Variants in STX18 observed in about 807,000 individuals in gnomAD.
STX18 encodes the protein syntaxin-18.
A neutral mutation model predicts 50.1 loss-of-function variants in STX18; 40 were observed. That is an observed-to-expected ratio of 0.80 (90% CI 0.62 to 1.04). STX18 has a LOEUF of 1.04. STX18 is among the 50% of genes least tolerant of loss of function. STX18 has a pLI of 0.00. For missense variants in STX18, 410 were observed against 415.8 expected (o/e 0.99, Z 0.12); for synonymous variants, 158 against 151.8 (o/e 1.04, Z -0.30).
intron 1 of STX18, among the ~76,000 whole-genome samples, chr4:4,534,185 T>A (rs528081196): frequency 6.6e-6 from 1 of 152,210 alleles, no homozygotes; most frequent in African/African-American, 2.4e-5. Flanking sequence ...AAGGACCCCA[T>A]TGAGTTCCTC....
rs568997424 is a variant in STX18 at position 4,429,438 on chromosome 4, G to C, written c.703-4216C>G. Among the ~76,000 whole-genome samples, 278 of 152,206 alleles carry C rather than the reference G, an allele frequency of 1.8e-3. 1 individual carries two copies. The highest frequency in any genetic ancestry group is 6.1e-3 in the African/African-American group (254 of 41,506). Reference sequence around the variant, plus strand: ...TTCAAAAGAAAATCACTCCTACAAAGGCCTTTCAGTATAAAATGACGCCAA... The same window carrying C: ...TTCAAAAGAAAATCACTCCTACAAACGCCTTTCAGTATAAAATGACGCCAA... On this transcript the variant is annotated intron_variant, in intron 7 of 10. Coordinates refer to ENST00000306200, the MANE Select transcript of STX18 (RefSeq NM_016930.4).
intron 1 of STX18, among the ~76,000 whole-genome samples, chr4:4,527,829 T>C (rs1187343889): frequency 6.8e-6 from 1 of 146,718 alleles, no homozygotes; most frequent in Non-Finnish European, 1.5e-5. Flanking sequence ...TAATTTTATA[T>C]ATATATGTCT....
At chr4:4,517,778 CTTTA>C (rs1289261025) in intron 1 of STX18, among the ~76,000 whole-genome samples, 2 of 147,616 alleles carry the variant, frequency 1.4e-5, no homozygotes, top group African/African-American at 5.1e-5. Context: ...TTTTTTTTTT[CTTTA>C]TTTTTTTTTT....
chr4:4,540,752 C>T (rs1731548757), intron 1 of STX18, among the ~76,000 whole-genome samples: 1 of 152,138 alleles, frequency 6.6e-6, no homozygotes, highest in South Asian at 2.1e-4. Flanking sequence ...TGGTCCAATC[C>T]CCTTTCTAAT....
chr4:4,474,470 C>G (rs1728075970), intron 1 of STX18, among the ~76,000 whole-genome samples: 1 of 152,212 alleles, frequency 6.6e-6, no homozygotes, highest in Non-Finnish European at 1.5e-5. Context: ...CCAGGCCCAT[C>G]CCCCTGTAAG....
chr4:4,514,526 G>A (rs1000281709), intron 1 of STX18, among the ~76,000 whole-genome samples: 5 of 152,108 alleles, frequency 3.3e-5, no homozygotes, highest in Non-Finnish European at 7.3e-5. Flanking sequence ...CTAAGATTCC[G>A]AATGGATGAT....
At chr4:4,451,188 A>C (rs1316329988) in intron 5 of STX18, among the ~76,000 whole-genome samples, 1 of 152,232 alleles carries the variant, frequency 6.6e-6, no homozygotes, top group Admixed American at 6.5e-5. Flanking sequence ...TGCAATCAAC[A>C]GTTTCTACCT....
chr4:4,460,112 C>G (rs1242489002), intron 2 of STX18, among the ~76,000 whole-genome samples: 2 of 152,126 alleles, frequency 1.3e-5, no homozygotes, highest in Non-Finnish European at 2.9e-5. Flanking sequence ...GATACTTACC[C>G]CACTCTAACA....
intron 1 of STX18, among the ~76,000 whole-genome samples, chr4:4,540,671 T>C (rs1308269688): frequency 4.6e-5 from 7 of 152,234 alleles, no homozygotes; most frequent in African/African-American, 1.7e-4. Flanking sequence ...TACATCATAT[T>C]ACTCTAACAC....
intron 1 of STX18, among the ~76,000 whole-genome samples, chr4:4,502,202 C>A (rs1729490078): frequency 6.6e-6 from 1 of 152,002 alleles, no homozygotes; most frequent in Admixed American, 6.5e-5. Flanking sequence ...AATGACAGCA[C>A]TTTTTTTTAA....
chr4:4,494,338 C>T (rs1473185227), intron 1 of STX18, among the ~76,000 whole-genome samples: 2 of 152,152 alleles, frequency 1.3e-5, no homozygotes, highest in Non-Finnish European at 2.9e-5. Context: ...TCCCTAAGGT[C>T]TAGTCCAGCT....
chr4:4,508,591 T>C (rs1160864088), intron 1 of STX18, among the ~76,000 whole-genome samples: 1 of 152,224 alleles, frequency 6.6e-6, no homozygotes, highest in Non-Finnish European at 1.5e-5. Flanking sequence ...ATGCGCAGGA[T>C]GTGCAGGTTT....
intron 7 of STX18, among the ~76,000 whole-genome samples, chr4:4,429,940 T>A (rs1725442694): frequency 6.6e-6 from 1 of 152,182 alleles, no homozygotes. Flanking sequence ...AAAAAAATTA[T>A]CCCAAGGAGT....
chr4:4,471,349 A>G (rs1204741355), intron 2 of STX18, among the ~76,000 whole-genome samples: 1 of 152,212 alleles, frequency 6.6e-6, no homozygotes, highest in Admixed American at 6.5e-5. Context: ...TGTGTCCCCA[A>G]CTTCAAATAC....
chr4:4,428,914 T>A (rs557382098), intron 7 of STX18, among the ~76,000 whole-genome samples: 16 of 152,308 alleles, frequency 1.1e-4, no homozygotes, highest in South Asian at 4.1e-4. Flanking sequence ...AGATGGTGGG[T>A]ACGGTGGGCA....
In STX18 at chr4:4,419,712, T is replaced by TGC. The variant is rs1296709879; in HGVS notation, c.*320_*321dup. ...AATTAGGGGCTCTTGAGGCCTGCTG[T>TGC]GCCCCTGCTGCCAAGGCAGCCTCAA... On this transcript the variant is annotated 3_prime_UTR_variant, in exon 11 of 11. Transcript: ENST00000306200. 8.1e-6 allele frequency: 2 copies of TGC among 246,626 alleles called. No homozygotes were observed. Among genetic ancestry groups the TGC allele is most frequent in the African/African-American group, 4.4e-5 (2 of 44,984 alleles). The allele number at this position is 246,626 out of a possible 1,614,324, so 15.3% of individuals were successfully genotyped here.
At chr4:4,500,707 C>T (rs576409095) in intron 1 of STX18, among the ~76,000 whole-genome samples, 1 of 152,294 alleles carries the variant, frequency 6.6e-6, no homozygotes, top group South Asian at 2.1e-4. Context: ...TAAAAAATTA[C>T]CTTCAATGGC....
chr4:4,475,556 A>C (rs1439824606), intron 1 of STX18, among the ~76,000 whole-genome samples: 1 of 152,184 alleles, frequency 6.6e-6, no homozygotes, highest in African/African-American at 2.4e-5. Flanking sequence ...CTAAGTCCCC[A>C]AATAGCATAA....
chr4:4,520,152 C>T (rs1037679026), intron 1 of STX18, among the ~76,000 whole-genome samples: 3 of 152,150 alleles, frequency 2.0e-5, no homozygotes, highest in Admixed American at 2.0e-4. Context: ...TTAACAGATA[C>T]ATTTTATTGC....
Sources: allele counts gnomAD v4.1 joint callset (sites outside exome capture counted in the v4.1 genomes callset), GRCh38; gene constraint gnomAD v4.1.1; transcripts MANE v1.5; gene names NCBI Gene and HGNC (gene_info 2026-07-23, HGNC 2026-07-21).